The following FRRS1 variants were observed in gnomAD, a reference collection of about 807,000 sequenced individuals.
The protein encoded by FRRS1 is ferric chelate reductase 1.
A neutral mutation model predicts 70.7 loss-of-function variants in FRRS1; 51 were observed. The ratio of observed to expected loss-of-function variants is 0.72; its 90% confidence interval spans 0.58 to 0.91. The LOEUF (loss-of-function observed/expected upper bound fraction) is 0.91, where lower values mean the gene tolerates loss of function less well. Among genes scored for constraint, FRRS1 ranks in the 40% least tolerant of loss-of-function variants. The pLI is 0.00. For missense variants in FRRS1, 672 were observed against 726.0 expected (o/e 0.93, Z 0.86); for synonymous variants, 225 against 238.7 (o/e 0.94, Z 0.53).
chr1:99,735,902 T>C (rs905947404), intron 7 of FRRS1, among the ~76,000 whole-genome samples: 1 of 152,234 alleles, frequency 6.6e-6, no homozygotes, highest in Admixed American at 6.5e-5. Context: ...CCGTATACTA[T>C]AGCATGAATC....
At chr1:99,718,525 C>T (rs979641028) in intron 10 of FRRS1, among the ~76,000 whole-genome samples, 2 of 152,144 alleles carry the variant, frequency 1.3e-5, no homozygotes, top group Admixed American at 6.5e-5. Context: ...GACAGGGTTT[C>T]GCCATGTTGG....
intron 9 of FRRS1, among the ~76,000 whole-genome samples, chr1:99,727,176 A>AT (rs1281810961): frequency 6.6e-6 from 1 of 152,260 alleles, no homozygotes; most frequent in Non-Finnish European, 1.5e-5. Flanking sequence ...TTTTATGAAG[A>AT]TAAAAATGAA....
intron 7 of FRRS1, among the ~76,000 whole-genome samples, chr1:99,736,895 G>A (rs1655701230): frequency 6.6e-6 from 1 of 150,988 alleles, no homozygotes; most frequent in Admixed American, 6.6e-5. Context: ...CACTGCTCCA[G>A]GACCAATGTG....
intron 6 of FRRS1, among the ~76,000 whole-genome samples, chr1:99,738,896 C>T (rs4472772): frequency 0.49 from 74,923 of 151,764 alleles, 22,467 homozygotes; most frequent in African/African-American, 0.85. Flanking sequence ...TAATCCCGAG[C>T]TTCTTGATAA....
intron 15 of FRRS1, among the ~76,000 whole-genome samples, chr1:99,709,632 A>G (rs973053642): frequency 6.6e-6 from 1 of 152,214 alleles, no homozygotes; most frequent in East Asian, 1.9e-4. Context: ...ACTAATTAAC[A>G]TATGATAACT....
intron 6 of FRRS1, among the ~76,000 whole-genome samples, chr1:99,738,849 T>C (rs1655809759): frequency 6.6e-6 from 1 of 152,096 alleles, no homozygotes; most frequent in African/African-American, 2.4e-5. Flanking sequence ...ACCATAGTGA[T>C]TTATTGGGGG....
chr1:99,717,550 T>C, intron 10 of FRRS1, 25 bp from the exon 11 acceptor site: 4 of 1,457,644 alleles, frequency 2.7e-6, no homozygotes, highest in East Asian at 2.3e-5. Context: ...AATGCAATAG[T>C]AGACAATCAC....
chr1:99,749,920 A>C (rs1656486821), intron 1 of FRRS1, among the ~76,000 whole-genome samples: 1 of 152,214 alleles, frequency 6.6e-6, no homozygotes, highest in Non-Finnish European at 1.5e-5. Context: ...CAGGTTGCAG[A>C]TGGGAAACAC....
In FRRS1 at chr1:99,708,579, C is replaced by T. The variant is rs1654105766; in HGVS notation, c.*449G>A. 1.0e-5 allele frequency: 1 copy of T among 97,916 alleles called. No individual in the cohort carries two copies. Among genetic ancestry groups the T allele is most frequent in the Non-Finnish European group, 1.9e-5 (1 of 53,998 alleles). 6.1% of individuals were successfully genotyped at this position (97,916 alleles called of 1,614,324 possible). Reference sequence around the variant, plus strand: ...CACCACTGCACTCCAGCCTGGGCGACAGAGCAAGACTCTGTCTCAAAAAAA... The same window carrying T: ...CACCACTGCACTCCAGCCTGGGCGATAGAGCAAGACTCTGTCTCAAAAAAA... On this transcript the variant is annotated 3_prime_UTR_variant, in exon 17 of 17. Transcript: ENST00000646001.
intron 10 of FRRS1, among the ~76,000 whole-genome samples, chr1:99,719,066 G>A (rs1279438822): frequency 1.1e-4 from 11 of 104,526 alleles, no homozygotes; most frequent in South Asian, 6.2e-4. Flanking sequence ...ACCAACAGCT[G>A]TGTCAAAAAA....
intron 1 of FRRS1, among the ~76,000 whole-genome samples, chr1:99,760,431 T>C (rs1228204829): frequency 2.0e-5 from 3 of 152,190 alleles, no homozygotes; most frequent in South Asian, 2.1e-4. Flanking sequence ...ACTCAAATTA[T>C]AGGGAAATTG....
rs116139621 is a variant in FRRS1 at position 99,714,393 on chromosome 1, A to G, written c.1323+1193T>C. 4.4e-3 allele frequency among the ~76,000 whole-genome samples: 670 copies of G among 152,276 alleles called. 7 individuals are homozygous for G. The highest frequency in any genetic ancestry group is 0.015 in the African/African-American group (640 of 41,552). ...GAGATGGGGTTTCACAATATCAGTCAGGCTGGTCTCGAACTCCTGACCTCG... is the reference window on the plus strand; with the variant it reads ...GAGATGGGGTTTCACAATATCAGTCGGGCTGGTCTCGAACTCCTGACCTCG... On this transcript the variant is annotated intron_variant, in intron 12 of 16. Transcript: ENST00000646001.
intron 1 of FRRS1, among the ~76,000 whole-genome samples, chr1:99,757,935 G>A (rs1165962320): frequency 1.6e-5 from 2 of 125,088 alleles, no homozygotes; most frequent in African/African-American, 3.4e-5. Flanking sequence ...CCAGGCTAAG[G>A]AGAATGCCTG....
At chr1:99,738,678 C>T (rs1385976936) in intron 6 of FRRS1, among the ~76,000 whole-genome samples, 2 of 152,112 alleles carry the variant, frequency 1.3e-5, no homozygotes, top group Non-Finnish European at 2.9e-5. Flanking sequence ...AAAGGGTATC[C>T]TCTAGTTCTC....
chr1:99,734,997 C>T (rs1655577890), intron 7 of FRRS1, among the ~76,000 whole-genome samples: 1 of 152,144 alleles, frequency 6.6e-6, no homozygotes, highest in Non-Finnish European at 1.5e-5. Context: ...AATGCGCATA[C>T]TTGATAGACT....
In FRRS1 at chr1:99,736,939, TC is replaced by T. The variant is rs1655703721; in HGVS notation, c.759+1146del. On this transcript the variant is annotated intron_variant, in intron 7 of 16. Transcript: ENST00000646001. Reference sequence around the variant, plus strand: ...CACTTTCAGGACGAGCATTAGTTTTTCTATTACAGCCATGTCAGAGTTCCTT... The same window carrying T: ...CACTTTCAGGACGAGCATTAGTTTTTTATTACAGCCATGTCAGAGTTCCTT... Among the ~76,000 whole-genome samples the T allele has an allele frequency of 1.1e-4, 16 of 152,244 alleles. No individual in the cohort carries two copies. The South Asian group carries it at 3.3e-3, about 32-fold the overall frequency.
At chr1:99,721,177 G>A (rs563476922) in intron 9 of FRRS1, among the ~76,000 whole-genome samples, 5 of 151,994 alleles carry the variant, frequency 3.3e-5, no homozygotes, top group African/African-American at 9.6e-5. Context: ...TCAAGAGTTC[G>A]AGACCAGCCT....
intron 4 of FRRS1, among the ~76,000 whole-genome samples, chr1:99,744,064 T>TAAAAAA (rs112254806): frequency 5.0e-4 from 62 of 124,354 alleles, no homozygotes; most frequent in African/African-American, 1.8e-3. Context: ...AGAACGATTG[T>TAAAAAA]AAAAAAAAAA....
intron 7 of FRRS1, among the ~76,000 whole-genome samples, chr1:99,736,384 T>A (rs1319849976): frequency 3.3e-5 from 5 of 152,154 alleles, no homozygotes; most frequent in Non-Finnish European, 7.3e-5. Flanking sequence ...CTTTTGTATC[T>A]CATAGACTTA....
Sources: allele counts gnomAD v4.1 joint callset (sites outside exome capture counted in the v4.1 genomes callset), GRCh38; gene constraint gnomAD v4.1.1; transcripts MANE v1.5; gene names NCBI Gene and HGNC (gene_info 2026-07-23, HGNC 2026-07-21).